RIPOR2: variants seen among roughly 807,000 people sequenced by gnomAD.
The protein encoded by RIPOR2 is rho family-interacting cell polarization regulator 2.
In RIPOR2, 39 loss-of-function variants were observed where a neutral mutation model predicts 114.5. That is an observed-to-expected ratio of 0.34 (90% CI 0.26 to 0.44). RIPOR2 has a LOEUF of 0.44. Among genes scored for constraint, RIPOR2 ranks in the 20% least tolerant of loss-of-function variants. The pLI, the probability that RIPOR2 is intolerant of heterozygous loss-of-function variation, is 1.00. For missense variants in RIPOR2, 1,007 were observed against 1,255.1 expected (o/e 0.80, Z 2.99); for synonymous variants, 445 against 484.4 (o/e 0.92, Z 1.07).
At chr6:24,925,060 A>T (rs769248894) in intron 1 of RIPOR2, among the ~76,000 whole-genome samples, 2 of 152,210 alleles carry the variant, frequency 1.3e-5, no homozygotes, top group Non-Finnish European at 2.9e-5. Context: ...TAGGTTAGTG[A>T]TCCCTATCAC....
chr6:24,892,262 C>T (rs534060714), intron 1 of RIPOR2, among the ~76,000 whole-genome samples: 4 of 152,206 alleles, frequency 2.6e-5, no homozygotes, highest in African/African-American at 9.6e-5. Flanking sequence ...TGTTTGTACC[C>T]GATAGATTTT....
chr6:24,847,510 A>G (rs1281763159), intron 12 of RIPOR2: 1 of 1,543,106 alleles, frequency 6.5e-7, no homozygotes, highest in African/African-American at 1.4e-5. Context: ...CCCAGAAGTC[A>G]AGCACTCCAT....
Position 24,812,318 on chromosome 6 carries a change from T to C in RIPOR2, c.2953-2511A>G, listed in dbSNP as rs1352444431. On this transcript the variant is annotated intron_variant, in intron 20 of 21. Coordinates refer to ENST00000643898, the MANE Select transcript of RIPOR2 (RefSeq NM_001286445.3). ...CCAACAGTGTAAAAGTGTTCCTATTTCTCCGCATCCTCTCCAGCACCTGTT... is the reference window on the plus strand; with the variant it reads ...CCAACAGTGTAAAAGTGTTCCTATTCCTCCGCATCCTCTCCAGCACCTGTT... 1.0e-4 allele frequency among the ~76,000 whole-genome samples: 5 copies of C among 49,998 alleles called. 1 individual carries two copies. The highest frequency in any genetic ancestry group is 2.0e-4 in the African/African-American group (5 of 25,374). The allele number at this position is 49,998 out of a possible 152,430, so 32.8% of individuals were successfully genotyped here.
At chr6:25,007,520 C>T (rs1332933901) in intron 1 of RIPOR2, among the ~76,000 whole-genome samples, 1 of 152,134 alleles carries the variant, frequency 6.6e-6, no homozygotes, top group Non-Finnish European at 1.5e-5. Flanking sequence ...ACATAATAAG[C>T]AAGATATGAT....
intron 1 of RIPOR2, chr6:25,030,887 G>A (rs973913254): frequency 6.6e-5 from 10 of 152,016 alleles, no homozygotes; most frequent in Admixed American, 2.6e-4. Flanking sequence ...TAGTAGAGGC[G>A]GGGTTTCTCC....
chr6:24,860,829 A>G (rs1001883800), intron 8 of RIPOR2, 144 bp downstream of exon 8: 1 of 586,488 alleles, frequency 1.7e-6, no homozygotes, highest in Non-Finnish European at 3.1e-6. Flanking sequence ...AGCATCAGTA[A>G]ACTATCAAAA....
intron 1 of RIPOR2, among the ~76,000 whole-genome samples, chr6:25,014,722 AC>A (rs1775897359): frequency 6.6e-6 from 1 of 152,230 alleles, no homozygotes; most frequent in Admixed American, 6.5e-5. Context: ...AAATGAAGGC[AC>A]CAAAGAGCTC....
intron 1 of RIPOR2, among the ~76,000 whole-genome samples, chr6:24,953,430 C>G (rs1384563373): frequency 1.3e-5 from 2 of 152,184 alleles, no homozygotes; most frequent in Non-Finnish European, 1.5e-5. Flanking sequence ...AGAGCCCTCT[C>G]TCTCTCCAGG....
At chr6:25,004,672 C>A (rs1050414377) in intron 1 of RIPOR2, among the ~76,000 whole-genome samples, 1 of 152,162 alleles carries the variant, frequency 6.6e-6, no homozygotes, top group African/African-American at 2.4e-5. Flanking sequence ...GAACTGGAGG[C>A]AGAAAACTGA....
chr6:24,927,245 T>C lies in RIPOR2; in HGVS notation c.61+8593A>G, dbSNP rs1770984148. Among the ~76,000 whole-genome samples the C allele has an allele frequency of 1.8e-4, 8 of 44,462 alleles. 1 individual carries two copies. The highest frequency in any genetic ancestry group is 7.0e-4 in the African/African-American group (7 of 9,938). 29.2% of individuals were successfully genotyped at this position (44,462 alleles called of 152,430 possible). On this transcript the variant is annotated intron_variant, in intron 1 of 21. Transcript: ENST00000643898. ...ACCACCAGCACCACCACAACTACAA[T>C]CACCACCACCACCACCACCACAGCT...
chr6:24,954,455 C>CTTTTTTTT lies in RIPOR2; in HGVS notation c.77-78639_77-78638insAAAAAAAA, dbSNP rs372356246. Among the ~76,000 whole-genome samples the CTTTTTTTT allele has an allele frequency of 2.7e-3, 317 of 116,176 alleles. 45 individuals carry two copies. Among genetic ancestry groups the CTTTTTTTT allele is most frequent in the Non-Finnish European group, 3.3e-3 (191 of 58,440 alleles). The allele number at this position is 116,176 out of a possible 152,430, so 76.2% of individuals were successfully genotyped here. A position where few individuals can be genotyped will look rare whatever the true frequency, so the allele number is the denominator to read the frequency against. On this transcript the variant is annotated intron_variant, in intron 1 of 13. Coordinates refer to the RIPOR2 transcript ENST00000510784. ...AACTGTGCAGGCCCAGTCTCTCTCT[C>CTTTTTTTT]CTTTTTTTTTTTTTTTTTGAGACAG...
intron 1 of RIPOR2, among the ~76,000 whole-genome samples, chr6:24,897,078 G>A (rs1352503902): frequency 1.3e-5 from 2 of 152,078 alleles, no homozygotes; most frequent in Admixed American, 6.5e-5. Context: ...TTTGAAGAAC[G>A]CCATTCACAC....
intron 1 of RIPOR2, among the ~76,000 whole-genome samples, chr6:25,022,295 C>T (rs1353528186): frequency 6.6e-6 from 1 of 152,072 alleles, no homozygotes; most frequent in Non-Finnish European, 1.5e-5. Context: ...TTGTCTTTTC[C>T]AGACTGTCTT....
intron 1 of RIPOR2, among the ~76,000 whole-genome samples, chr6:24,929,101 G>C (rs1312976453): frequency 1.3e-5 from 2 of 151,880 alleles, no homozygotes; most frequent in Non-Finnish European, 2.9e-5. Context: ...GCTTTCTGGA[G>C]AAACACTGCC....
chr6:25,031,728 T>G (rs1392820732), intron 1 of RIPOR2, among the ~76,000 whole-genome samples: 1 of 107,596 alleles, frequency 9.3e-6, no homozygotes, highest in African/African-American at 4.2e-5. Flanking sequence ...TATATATATA[T>G]ATATATATAT....
chr6:25,016,947 A>G (rs1175515090), intron 1 of RIPOR2, among the ~76,000 whole-genome samples: 1 of 152,238 alleles, frequency 6.6e-6, no homozygotes, highest in Non-Finnish European at 1.5e-5. Flanking sequence ...ATAGGGAAAC[A>G]AAAGATCTAA....
At chr6:24,911,432 T>A (rs1769586353) in intron 1 of RIPOR2, among the ~76,000 whole-genome samples, 1 of 151,808 alleles carries the variant, frequency 6.6e-6, no homozygotes, top group South Asian at 2.1e-4. Context: ...GGATCTTTCA[T>A]ACAAGCTGGG....
chr6:25,040,601 T>C (rs1006210278), intron 1 of RIPOR2, among the ~76,000 whole-genome samples: 48 of 151,730 alleles, frequency 3.2e-4, no homozygotes, highest in African/African-American at 1.1e-3. Context: ...GCTTTTTTTT[T>C]TTTTTTTCGA....
intron 20 of RIPOR2, among the ~76,000 whole-genome samples, chr6:24,817,993 A>G (rs1759320941): frequency 1.5e-4 from 1 of 6,852 alleles, no homozygotes; most frequent in Non-Finnish European, 5.7e-4. Context: ...TTTTTGAGAC[A>G]GAGTCTGGCT....
Sources: allele counts gnomAD v4.1 joint callset (sites outside exome capture counted in the v4.1 genomes callset), GRCh38; gene constraint gnomAD v4.1.1; transcripts MANE v1.5; gene names NCBI Gene and HGNC (gene_info 2026-07-23, HGNC 2026-07-21).